The following ERC2 variants were observed in gnomAD, a reference collection of about 807,000 sequenced individuals.
ERC2 encodes the protein ERC protein 2.
A neutral mutation model predicts 114.8 loss-of-function variants in ERC2; 42 were observed. The observed-to-expected ratio is 0.37, with a 90% CI of 0.29 to 0.47. ERC2 has a LOEUF of 0.47. Ranked by LOEUF, ERC2 falls within the 20% of genes least tolerant of loss-of-function variation. The pLI is 0.99. For missense variants in ERC2, 939 were observed against 1,150.7 expected (o/e 0.82, Z 2.66); for synonymous variants, 454 against 425.5 (o/e 1.07, Z -0.82).
At chr3:56,360,398 A>ATAGAAACC (rs1000848243) in intron 2 of ERC2, among the ~76,000 whole-genome samples, 3 of 152,190 alleles carry the variant, frequency 2.0e-5, no homozygotes, top group African/African-American at 7.2e-5. Context: ...GGCCCTGTAT[A>ATAGAAACC]TAGAAACCGA....
At chr3:55,696,734 A>C (rs1481711192) in intron 16 of ERC2, among the ~76,000 whole-genome samples, 1 of 152,192 alleles carries the variant, frequency 6.6e-6, no homozygotes, top group Non-Finnish European at 1.5e-5. Context: ...ACCAAATCTC[A>C]AATCTCCAGT....
rs146812934 is a variant in ERC2, at chr3:55,569,349, C to T, written c.*40-58073G>A. Among the ~76,000 whole-genome samples, 181 of 152,244 alleles carry T rather than the reference C, an allele frequency of 1.2e-3. 1 individual carries two copies. The highest frequency in any genetic ancestry group is 4.0e-3 in the African/African-American group (165 of 41,536). ...GAAGGAATCTGCACTCCTTCCATTC[C>T]GATGGCATGTTTAAGTTCAGTGGCT... On this transcript the variant is annotated intron_variant, in intron 17 of 17. Transcript: ENST00000288221.
intron 3 of ERC2, among the ~76,000 whole-genome samples, chr3:56,285,164 TGAA>T (rs765540211): frequency 2.3e-4 from 32 of 141,112 alleles, no homozygotes; most frequent in Non-Finnish European, 2.1e-4. Context: ...AGACTCCGGG[TGAA>T]GAAGTCTCCT....
At chr3:55,829,851 G>A (rs745907361) in intron 14 of ERC2, among the ~76,000 whole-genome samples, 1 of 152,018 alleles carries the variant, frequency 6.6e-6, no homozygotes, top group Non-Finnish European at 1.5e-5. Flanking sequence ...TGTGTCATTG[G>A]AATCACAGAA....
chr3:56,451,228 C>T (rs1401543952), intron 1 of ERC2, among the ~76,000 whole-genome samples: 1 of 152,110 alleles, frequency 6.6e-6, no homozygotes, highest in Non-Finnish European at 1.5e-5. Context: ...AAACTCTGCC[C>T]CCTTGGCCCT....
chr3:55,702,309 C>T lies in ERC2; in HGVS notation c.2713-2797G>A, dbSNP rs555644160. Among the ~76,000 whole-genome samples the T allele has an allele frequency of 4.6e-5, 7 of 152,190 alleles. No homozygotes were observed. The East Asian group carries it at 5.8e-4, about 13-fold the overall frequency. On this transcript the variant is annotated intron_variant, in intron 15 of 17. Transcript: ENST00000288221. ...GAAATGTACACAGAGCAATTGTGAG[C>T]GGAAGAGGCTTCTTTTGATTAGTCT...
intron 6 of ERC2, among the ~76,000 whole-genome samples, chr3:56,121,271 G>C (rs754619561): frequency 6.6e-6 from 1 of 152,026 alleles, no homozygotes; most frequent in South Asian, 2.1e-4. Flanking sequence ...TCGGTTCATC[G>C]ATCTTTCTGA....
At chr3:56,101,110 T>C (rs1270588589) in intron 6 of ERC2, among the ~76,000 whole-genome samples, 1 of 152,176 alleles carries the variant, frequency 6.6e-6, no homozygotes, top group East Asian at 1.9e-4. Context: ...AAAGATCCAT[T>C]TCATTGGATA....
At chr3:55,707,556 GC>G (rs2063554012) in intron 15 of ERC2, among the ~76,000 whole-genome samples, 1 of 152,226 alleles carries the variant, frequency 6.6e-6, no homozygotes, top group South Asian at 2.1e-4. Context: ...AGCCAGTACA[GC>G]CCATGAGGAA....
At chr3:55,961,173 T>A (rs2068334160) in intron 12 of ERC2, among the ~76,000 whole-genome samples, 2 of 152,168 alleles carry the variant, frequency 1.3e-5, no homozygotes, top group Admixed American at 1.3e-4. Flanking sequence ...CAGATCTAAC[T>A]CCTACTGTGC....
At position 55,705,840 on chromosome 3, in the gene ERC2, T is replaced by C. The variant is rs191827367; in HGVS notation, c.2713-6328A>G. ...CATGAAGGTTTGGCTGGTGTTTTTA[T>C]ACCTACTCATTAAGCACTTTTATTT... is the stretch of plus-strand genomic sequence containing the variant. On this transcript the variant is annotated intron_variant, in intron 15 of 17. Transcript: ENST00000288221. Among the ~76,000 whole-genome samples the C allele has an allele frequency of 2.0e-5, 3 of 152,332 alleles. No individual in the cohort carries two copies. The East Asian group carries it at 5.8e-4, about 29-fold the overall frequency.
intron 6 of ERC2, among the ~76,000 whole-genome samples, chr3:56,112,835 C>T (rs533305690): frequency 6.6e-6 from 1 of 152,216 alleles, no homozygotes; most frequent in Admixed American, 6.5e-5. Flanking sequence ...GAGGTCAACA[C>T]CACACTCCTC....
chr3:55,537,801 C>T (rs2054097064), intron 17 of ERC2, among the ~76,000 whole-genome samples: 1 of 152,230 alleles, frequency 6.6e-6, no homozygotes. Context: ...ATTTCAACAT[C>T]TTTCCCTTTT....
intron 17 of ERC2, among the ~76,000 whole-genome samples, chr3:55,646,440 A>G (rs2060402696): frequency 6.6e-6 from 1 of 152,234 alleles, no homozygotes; most frequent in Non-Finnish European, 1.5e-5. Flanking sequence ...CTCTTGTGTT[A>G]CTTCCCAAGA....
intron 3 of ERC2, among the ~76,000 whole-genome samples, chr3:56,281,880 A>G (rs2054372560): frequency 6.6e-6 from 1 of 152,240 alleles, no homozygotes; most frequent in Non-Finnish European, 1.5e-5. Flanking sequence ...CCAATAAGTG[A>G]CATGTAAAAT....
intron 14 of ERC2, among the ~76,000 whole-genome samples, chr3:55,857,345 T>C (rs965501923): frequency 3.3e-5 from 5 of 152,178 alleles, no homozygotes; most frequent in African/African-American, 1.2e-4. Flanking sequence ...CCCGCATCTT[T>C]GTTCTCTGCC....
intron 3 of ERC2, among the ~76,000 whole-genome samples, chr3:56,267,491 G>T (rs113496278): frequency 2.0e-3 from 305 of 152,288 alleles, no homozygotes; most frequent in African/African-American, 6.8e-3. Flanking sequence ...GGAGATGTTG[G>T]CAGGGCGCAG....
At chr3:55,765,504 A>G (rs1052620581) in intron 14 of ERC2, among the ~76,000 whole-genome samples, 15 of 152,200 alleles carry the variant, frequency 9.9e-5, no homozygotes, top group Non-Finnish European at 4.4e-5. Context: ...CCACCCAATG[A>G]CGTAGCATGT....
chr3:55,771,393 A>G (rs2068189413), intron 14 of ERC2, among the ~76,000 whole-genome samples: 1 of 152,244 alleles, frequency 6.6e-6, no homozygotes, highest in African/African-American at 2.4e-5. Context: ...CCTTATGTGC[A>G]TTATCTCACT....
Sources: allele counts gnomAD v4.1 joint callset (sites outside exome capture counted in the v4.1 genomes callset), GRCh38; gene constraint gnomAD v4.1.1; transcripts MANE v1.5; gene names NCBI Gene and HGNC (gene_info 2026-07-23, HGNC 2026-07-21).